ROBO1: variants seen among roughly 807,000 people sequenced by gnomAD.
The protein encoded by ROBO1 is roundabout homolog 1.
Under a neutral mutation model 195.9 loss-of-function variants are expected in ROBO1, and 149 were observed. The ratio of observed to expected loss-of-function variants is 0.76; its 90% CI spans 0.67 to 0.87. The LOEUF (loss-of-function observed/expected upper bound fraction) is 0.87, where lower values mean the gene tolerates loss of function less well. Among genes scored for constraint, ROBO1 ranks in the 40% least tolerant of loss-of-function variants. The pLI is 0.00. For synonymous variants in ROBO1, 816 were observed against 733.2 expected, an observed-to-expected ratio of 1.11 and a Z score of -1.82; for missense variants, 1,933 against 2,068.3, an observed-to-expected ratio of 0.93 and a Z score of 1.27.
At chr3:79,584,342 T>C (rs1943753650) in intron 2 of ROBO1, among the ~76,000 whole-genome samples, 1 of 150,162 alleles carries the variant, frequency 6.7e-6, no homozygotes, top group Non-Finnish European at 1.5e-5. Context: ...AGCAGTTTTG[T>C]GCAGAACACA....
At chr3:79,065,982 A>G (rs1345252606) in intron 3 of ROBO1, among the ~76,000 whole-genome samples, 2 of 152,058 alleles carry the variant, frequency 1.3e-5, no homozygotes, top group Non-Finnish European at 1.5e-5. Flanking sequence ...TAAGGAATGG[A>G]TACCAGACAT....
intron 3 of ROBO1, among the ~76,000 whole-genome samples, chr3:78,952,381 T>C (rs886911986): frequency 8.7e-5 from 13 of 149,940 alleles, no homozygotes; most frequent in Non-Finnish European, 1.8e-4. Context: ...TAAAAATCTA[T>C]ATATTTATAT....
rs183944392 is a variant in ROBO1 at position 79,729,158 on chromosome 3, A to G, written c.-51+38594T>C. ...TTGTATTATGTTCATTTCATTTTCA[A>G]TGTAAGGTTCTTTTTTCCCAATCCC... On this transcript the variant is annotated intron_variant, in intron 1 of 30. Transcript: ENST00000464233. 4.6e-5 allele frequency among the ~76,000 whole-genome samples: 7 copies of G among 152,206 alleles called. 1 individual carries two copies. The East Asian group carries it at 5.8e-4, about 13-fold the overall frequency.
At chr3:79,111,409 A>T (rs1576686152) in intron 3 of ROBO1, among the ~76,000 whole-genome samples, 1 of 152,278 alleles carries the variant, frequency 6.6e-6, no homozygotes, top group South Asian at 2.1e-4. Flanking sequence ...TGATCTCCCA[A>T]ATTACACTAC....
chr3:79,724,714 G>C (rs546449823), intron 1 of ROBO1, among the ~76,000 whole-genome samples: 9 of 152,316 alleles, frequency 5.9e-5, no homozygotes, highest in South Asian at 2.1e-4. Context: ...AGCCCTGTGA[G>C]TGAACAAGAA....
At chr3:78,712,147 C>T (rs372817190) in intron 8 of ROBO1, among the ~76,000 whole-genome samples, 3 of 151,548 alleles carry the variant, frequency 2.0e-5, no homozygotes, top group East Asian at 3.9e-4. Flanking sequence ...TAATTTATTC[C>T]CACAGCTTCT....
rs555729010 is a variant in ROBO1 at position 79,374,093 on chromosome 3, G to T, written c.88+215731C>A. Among the ~76,000 whole-genome samples, 16 of 152,176 alleles carry T rather than the reference G, an allele frequency of 1.1e-4. No individual in the cohort carries two copies. The South Asian group carries it at 1.9e-3, about 18-fold the overall frequency. On this transcript the variant is annotated intron_variant, in intron 2 of 30. Coordinates refer to ENST00000464233, the MANE Select transcript of ROBO1 (RefSeq NM_002941.4). Reference sequence around the variant, plus strand: ...ATAGAAAAGTGATGGGAATGAAAAGGGCATTTTAAAAAGTGGAGCAAAAGA... The same window carrying T: ...ATAGAAAAGTGATGGGAATGAAAAGTGCATTTTAAAAAGTGGAGCAAAAGA...
chr3:79,756,738 A>G (rs1704427126), intron 1 of ROBO1, among the ~76,000 whole-genome samples: 1 of 152,100 alleles, frequency 6.6e-6, no homozygotes, highest in Non-Finnish European at 1.5e-5. Flanking sequence ...TGCAATCATC[A>G]CCACAATCCA....
chr3:78,901,692 C>T (rs985574282), intron 4 of ROBO1, among the ~76,000 whole-genome samples: 1 of 152,184 alleles, frequency 6.6e-6, no homozygotes, highest in Non-Finnish European at 1.5e-5. Flanking sequence ...TGAGGCCTGA[C>T]AGGCATAAAT....
chr3:79,288,475 T>C (rs916585105), intron 2 of ROBO1, among the ~76,000 whole-genome samples: 1 of 152,204 alleles, frequency 6.6e-6, no homozygotes, highest in African/African-American at 2.4e-5. Flanking sequence ...AAACTTACGA[T>C]TTCTTTAGAT....
intron 2 of ROBO1, among the ~76,000 whole-genome samples, chr3:79,575,133 A>T (rs1167099836): frequency 1.2e-5 from 1 of 85,036 alleles, no homozygotes; most frequent in South Asian, 2.9e-4. Flanking sequence ...ATATAAATAT[A>T]TATAACAAAT....
intron 4 of ROBO1, among the ~76,000 whole-genome samples, chr3:78,915,827 T>TA (rs1057419050): frequency 2.0e-5 from 3 of 152,046 alleles, no homozygotes; most frequent in Non-Finnish European, 2.9e-5. Context: ...GGCTAATTTT[T>TA]AAAAAATGTT....
chr3:79,630,568 A>G (rs1945308367), intron 1 of ROBO1, among the ~76,000 whole-genome samples: 1 of 152,040 alleles, frequency 6.6e-6, no homozygotes, highest in African/African-American at 2.4e-5. Flanking sequence ...ATTTTCCTTA[A>G]TAACTGGAGA....
At position 79,290,487 on chromosome 3, in the gene ROBO1, C is replaced by T. The variant is rs1330623104; in HGVS notation, c.89-164948G>A. 2.0e-5 allele frequency among the ~76,000 whole-genome samples: 3 copies of T among 152,108 alleles called. No homozygotes were observed. The East Asian group carries it at 5.8e-4, about 29-fold the overall frequency. ...ATCTCTATAGTATTCTCTTACTATG[C>T]AACCTAGTATTTTCTTGGTTACTTG... On this transcript the variant is annotated intron_variant, in intron 2 of 30. Transcript: ENST00000464233.
chr3:78,662,099 C>T lies in ROBO1; in HGVS notation c.1982G>A (p.Ser661Asn), dbSNP rs1403564584. 11 of 1,563,474 alleles carry T rather than the reference C, an allele frequency of 7.0e-6. No individual in the cohort carries two copies. The highest frequency in any genetic ancestry group is 3.8e-5 in the Admixed American group (2 of 52,116). The change falls in exon 15 of 31, where the codon AGT becomes AAT. Residue 661 changes from serine (S) to asparagine (N), a missense_variant. Ser to Asn is a conservative substitution (Grantham distance 46). Coordinates refer to ENST00000464233, the MANE Select transcript of ROBO1 (RefSeq NM_002941.4). ...PVKTQDVLPTSQGVDHKQVQR... is the reference protein window; with the variant it reads ...PVKTQDVLPTNQGVDHKQVQR... ...GACCTGCTTGTGGTCCACCCCCTGA[C>T]TTGTTGGTAGGACATCTACAACAAG...
intron 2 of ROBO1, among the ~76,000 whole-genome samples, chr3:79,161,307 A>C (rs2080960669): frequency 6.6e-6 from 1 of 152,134 alleles, no homozygotes; most frequent in Non-Finnish European, 1.5e-5. Flanking sequence ...TGAGTAAGAA[A>C]GAAATCCATG....
chr3:79,324,261 T>A (rs1208454864), intron 2 of ROBO1, among the ~76,000 whole-genome samples: 2 of 152,114 alleles, frequency 1.3e-5, no homozygotes, highest in Admixed American at 6.5e-5. Context: ...AAAGATTCAA[T>A]AGTTCAACAA....
At chr3:79,638,991 A>G (rs1945578155) in intron 1 of ROBO1, among the ~76,000 whole-genome samples, 1 of 152,202 alleles carries the variant, frequency 6.6e-6, no homozygotes, top group Non-Finnish European at 1.5e-5. Flanking sequence ...AAAAACTGGT[A>G]ATGTAAAATA....
At chr3:78,688,899 T>C in intron 8 of ROBO1, 127 bp from the exon 9 acceptor site, 1 of 853,016 alleles carries the variant, frequency 1.2e-6, no homozygotes, top group Non-Finnish European at 1.6e-6. Flanking sequence ...AGTCATGATA[T>C]ACCAATTCTT....
Sources: gnomAD v4.1 joint callset for allele counts (sites outside exome capture counted in the v4.1 genomes callset) on GRCh38, gnomAD v4.1.1 for gene constraint, MANE v1.5 for transcripts, NCBI Gene and HGNC (gene_info 2026-07-23, HGNC 2026-07-21) for gene names.